HPSE2: variants seen among roughly 807,000 people sequenced by gnomAD.
The protein encoded by HPSE2 is heparanase 2 (inactive).
A neutral mutation model predicts 60.5 loss-of-function variants in HPSE2; 38 were observed. The observed-to-expected ratio is 0.63, with a 90% confidence interval of 0.48 to 0.82. The LOEUF (loss-of-function observed/expected upper bound fraction) is 0.82, where lower values mean the gene tolerates loss of function less well. Ranked by LOEUF, HPSE2 falls within the 40% of genes least tolerant of loss-of-function variation. HPSE2 has a pLI of 0.00. For missense variants in HPSE2, 713 were observed against 740.4 expected, an observed-to-expected ratio of 0.96 and a Z score of 0.43; for synonymous variants, 295 against 293.2, an observed-to-expected ratio of 1.01 and a Z score of -0.06.
intron 3 of HPSE2, among the ~76,000 whole-genome samples, chr10:98,922,581 C>A (rs556941679): frequency 6.6e-6 from 1 of 152,084 alleles, no homozygotes; most frequent in African/African-American, 2.4e-5. Flanking sequence ...GCCCTGTATA[C>A]GTGGAATTAA....
intron 2 of HPSE2, among the ~76,000 whole-genome samples, chr10:99,193,449 A>G (rs758877379): frequency 1.1e-4 from 17 of 152,072 alleles, no homozygotes; most frequent in Non-Finnish European, 2.1e-4. Flanking sequence ...CATTGAATTT[A>G]AAAGTCTAAA....
At chr10:98,483,738 G>C (rs1220166692) in intron 10 of HPSE2, among the ~76,000 whole-genome samples, 1 of 152,218 alleles carries the variant, frequency 6.6e-6, no homozygotes, top group East Asian at 1.9e-4. Context: ...GACTGACAAT[G>C]TTCTTGACAA....
chr10:98,642,471 A>G (rs1385908131), intron 6 of HPSE2, among the ~76,000 whole-genome samples: 1 of 152,306 alleles, frequency 6.6e-6, no homozygotes, highest in East Asian at 1.9e-4. Flanking sequence ...TAGTCAACCT[A>G]CTACCAAAAT....
chr10:99,153,032 C>T (rs374480577), intron 2 of HPSE2, among the ~76,000 whole-genome samples: 14 of 152,322 alleles, frequency 9.2e-5, no homozygotes, highest in African/African-American at 2.2e-4. Flanking sequence ...CCAAATATTG[C>T]GCATTTCGGA....
chr10:98,986,360 A>G (rs576497427), intron 3 of HPSE2, among the ~76,000 whole-genome samples: 2 of 152,040 alleles, frequency 1.3e-5, no homozygotes, highest in South Asian at 2.1e-4. Flanking sequence ...ACTCAACTAC[A>G]TGGAAACTGA....
intron 6 of HPSE2, among the ~76,000 whole-genome samples, chr10:98,679,796 G>T (rs1294650382): frequency 6.6e-6 from 1 of 151,940 alleles, no homozygotes; most frequent in Admixed American, 6.6e-5. Flanking sequence ...GGCTCAAGAG[G>T]TCCTCTTGCC....
At chr10:98,682,405 AT>A (rs1334680828) in intron 6 of HPSE2, among the ~76,000 whole-genome samples, 2 of 152,186 alleles carry the variant, frequency 1.3e-5, no homozygotes. Flanking sequence ...GTTTATGGCA[AT>A]ATAAGAACAG....
chr10:99,018,220 T>TA (rs1347721649), intron 3 of HPSE2, among the ~76,000 whole-genome samples: 1 of 152,162 alleles, frequency 6.6e-6, no homozygotes, highest in African/African-American at 2.4e-5. Flanking sequence ...TACCCACCTA[T>TA]AAAATAAGGG....
chr10:98,791,591 G>A (rs1166191133), intron 3 of HPSE2, among the ~76,000 whole-genome samples: 1 of 152,126 alleles, frequency 6.6e-6, no homozygotes, highest in East Asian at 1.9e-4. Context: ...AACGGCAATT[G>A]CCTCACATAA....
chr10:98,681,080 T>TC (rs1947775910), intron 6 of HPSE2, among the ~76,000 whole-genome samples: 1 of 151,488 alleles, frequency 6.6e-6, no homozygotes, highest in South Asian at 2.1e-4. Flanking sequence ...TGGTCATTTT[T>TC]TTTTTAATGG....
At chr10:98,549,347 T>C (rs1244446663) in intron 9 of HPSE2, among the ~76,000 whole-genome samples, 1 of 147,790 alleles carries the variant, frequency 6.8e-6, no homozygotes, top group African/African-American at 2.5e-5. Flanking sequence ...ATAACTATTA[T>C]TATTATTATT....
At chr10:98,607,889 C>T (rs990003251) in intron 9 of HPSE2, among the ~76,000 whole-genome samples, 2 of 151,876 alleles carry the variant, frequency 1.3e-5, no homozygotes, top group East Asian at 3.9e-4. Context: ...TATTATCTTA[C>T]CACAGTTATA....
intron 3 of HPSE2, among the ~76,000 whole-genome samples, chr10:99,100,751 G>C (rs1013123967): frequency 2.6e-5 from 4 of 152,150 alleles, no homozygotes; most frequent in African/African-American, 9.7e-5. Flanking sequence ...AGAAAGGTCG[G>C]GTTACCCTCA....
chr10:99,037,431 A>C (rs754479633), intron 3 of HPSE2, among the ~76,000 whole-genome samples: 2 of 152,142 alleles, frequency 1.3e-5, no homozygotes, highest in Non-Finnish European at 2.9e-5. Context: ...CTATCTTAGC[A>C]ACTCTAAGTA....
chr10:99,255,645 C>T, the HPSE2 span, among the ~76,000 whole-genome samples: 1 of 151,834 alleles, frequency 6.6e-6, no homozygotes, highest in Non-Finnish European at 1.5e-5. Context: ...AAATCCATTC[C>T]TCATAAAAAC....
chr10:98,972,247 T>TTG (rs1363431026), intron 3 of HPSE2, among the ~76,000 whole-genome samples: 5 of 152,254 alleles, frequency 3.3e-5, no homozygotes, highest in African/African-American at 1.2e-4. Context: ...CTTGTTGCTG[T>TTG]ATTCTTGTTG....
At chr10:99,048,046 A>T in intron 3 of HPSE2, 1 of 691,948 alleles carries the variant, frequency 1.4e-6, no homozygotes, top group Non-Finnish European at 2.6e-6. Flanking sequence ...TGTGGACTAT[A>T]GAACCATATA....
At chr10:99,018,683 C>G (rs1009223030) in intron 3 of HPSE2, among the ~76,000 whole-genome samples, 5 of 152,072 alleles carry the variant, frequency 3.3e-5, no homozygotes, top group Non-Finnish European at 7.4e-5. Context: ...TCTGGGAATG[C>G]TCAATATGAC....
chr10:98,632,605 C>T (rs1015238179), intron 7 of HPSE2, among the ~76,000 whole-genome samples: 5 of 152,078 alleles, frequency 3.3e-5, no homozygotes, highest in Non-Finnish European at 7.4e-5. Context: ...GTCATATTCT[C>T]CCATTTGCAG....
Sources: gnomAD v4.1 joint callset for allele counts (sites outside exome capture counted in the v4.1 genomes callset) on GRCh38, gnomAD v4.1.1 for gene constraint, MANE v1.5 for transcripts, NCBI Gene and HGNC (gene_info 2026-07-23, HGNC 2026-07-21) for gene names.